The following PIEZO2 variants were observed in gnomAD, a reference collection of about 807,000 sequenced individuals.
PIEZO2 encodes the protein piezo-type mechanosensitive ion channel component 2.
PIEZO2 carries 172 observed loss-of-function variants against 337.3 expected under a neutral mutation model. The ratio of observed to expected loss-of-function variants is 0.51; its 90% confidence interval spans 0.45 to 0.58. The LOEUF is 0.58. Among genes scored for constraint, PIEZO2 ranks in the 20% least tolerant of loss-of-function variants. The probability of loss-of-function intolerance (pLI) is 0.00; values close to 1 mark genes in which losing one functional copy is unlikely to be tolerated. For missense variants in PIEZO2, 3,028 were observed against 3,391.3 expected (o/e 0.89, Z 2.66); for synonymous variants, 1,251 against 1,228.5 (o/e 1.02, Z -0.38).
chr18:10,770,465 A>G (rs919296742), intron 20 of PIEZO2, among the ~76,000 whole-genome samples, 157 bp from the exon 21 acceptor site: 2 of 152,252 alleles, frequency 1.3e-5, no homozygotes, highest in South Asian at 2.1e-4. Context: ...ATGATGTAAG[A>G]ATCCCAAGTC....
intron 7 of PIEZO2, among the ~76,000 whole-genome samples, chr18:10,838,821 T>C (rs761115902): frequency 9.2e-5 from 14 of 152,200 alleles, no homozygotes; most frequent in Non-Finnish European, 1.8e-4. Context: ...CAGCTGGTCT[T>C]CCACACTCCT....
rs1331015897 is a variant in PIEZO2 at position 11,070,099 on chromosome 18, T to C, written c.65-3877A>G. Among the ~76,000 whole-genome samples, 1 of 152,220 alleles carries C rather than the reference T, an allele frequency of 6.6e-6. No individual in the cohort carries two copies. The highest frequency in any genetic ancestry group is 2.4e-5 in the African/African-American group (1 of 41,458). ...TAGGTAGTTTTGTCCTTGTGGGAACTGTGTGCTTACATAAACAAAGATGGT... is the reference window on the plus strand; with the variant it reads ...TAGGTAGTTTTGTCCTTGTGGGAACCGTGTGCTTACATAAACAAAGATGGT... On this transcript the variant is annotated intron_variant, in intron 1 of 55. Coordinates refer to ENST00000674853, the MANE Select transcript of PIEZO2 (RefSeq NM_001378183.1). The surrounding 1 kb of genome is among the most constrained non-coding windows in gnomAD (Gnocchi z 4.3).
At chr18:11,098,334 G>A (rs998561847) in intron 1 of PIEZO2, among the ~76,000 whole-genome samples, 1 of 151,466 alleles carries the variant, frequency 6.6e-6, no homozygotes, top group African/African-American at 2.4e-5. Flanking sequence ...TATCTAGGTG[G>A]TAGAATTATG....
chr18:10,726,177 A>T lies in PIEZO2; in HGVS notation c.5029+5230T>A, dbSNP rs2144017230. Among the ~76,000 whole-genome samples the T allele has an allele frequency of 6.6e-6, 1 of 152,126 alleles. No individual in the cohort carries two copies. The highest frequency in any genetic ancestry group is 1.5e-5 in the Non-Finnish European group (1 of 67,982). On this transcript the variant is annotated intron_variant, in intron 36 of 55. Coordinates refer to ENST00000674853, the MANE Select transcript of PIEZO2 (RefSeq NM_001378183.1). This position sits in a 1 kb window ranked among gnomAD's most constrained non-coding sequence, Gnocchi z 5.9. ...TGGGAGAGGATTCATATATGTGAGC[A>T]ACTGTGGATCCTTGGGTGCGAGTCC... is the stretch of plus-strand genomic sequence containing the variant.
chr18:11,148,732 G>A lies in PIEZO2; in HGVS notation c.-144C>T, dbSNP rs1298051041. 4.8e-6 allele frequency: 4 copies of A among 825,290 alleles called. No individual in the cohort carries two copies. The highest frequency in any genetic ancestry group is 2.8e-5 in the East Asian group (1 of 35,196). 51.1% of individuals were successfully genotyped at this position (825,290 alleles called of 1,614,324 possible). On this transcript the variant is annotated 5_prime_UTR_variant, in exon 1 of 56. Transcript: ENST00000674853. The surrounding 1 kb of genome is among the most constrained non-coding windows in gnomAD (Gnocchi z 5.2). ...GCATCGCCTCGGCGCGGGCCGCGAC[G>A]CTCTCCGCCCCGAGGGCACGCTCCC... is the stretch of plus-strand genomic sequence containing the variant.
chr18:10,811,958 C>T (rs893583236), intron 7 of PIEZO2, among the ~76,000 whole-genome samples: 1 of 152,178 alleles, frequency 6.6e-6, no homozygotes, highest in Non-Finnish European at 1.5e-5. Context: ...CTCAGCCTCC[C>T]GAGTAGCTGA....
chr18:11,122,610 C>T (rs1030700672), intron 1 of PIEZO2, among the ~76,000 whole-genome samples: 2 of 152,110 alleles, frequency 1.3e-5, no homozygotes, highest in African/African-American at 4.8e-5. Flanking sequence ...TTTTCAAAAT[C>T]ATTATTCACA....
At chr18:10,694,698 G>A (rs1271708072) in intron 47 of PIEZO2, among the ~76,000 whole-genome samples, 3 of 152,108 alleles carry the variant, frequency 2.0e-5, no homozygotes, top group Non-Finnish European at 2.9e-5. Context: ...AGTCAGGAGC[G>A]GTGATGTGCA....
In PIEZO2 at chr18:10,724,957, C is replaced by A. The variant is rs977905429; in HGVS notation, c.5029+6450G>T. 1.9e-6 allele frequency: 3 copies of A among 1,586,134 alleles called. No individual in the cohort carries two copies. Among genetic ancestry groups the A allele is most frequent in the East Asian group, 2.2e-5 (1 of 44,728 alleles). Reference sequence around the variant, plus strand: ...ATGGAACCCAGGTGGGCGCACCCTGCGGCCTGCAGCCTCCCTGCCTCACAT... The same window carrying A: ...ATGGAACCCAGGTGGGCGCACCCTGAGGCCTGCAGCCTCCCTGCCTCACAT... On this transcript the variant is annotated intron_variant, in intron 36 of 55. Coordinates refer to ENST00000674853, the MANE Select transcript of PIEZO2 (RefSeq NM_001378183.1). The surrounding 1 kb of genome is among the most constrained non-coding windows in gnomAD (Gnocchi z 5.8).
rs1008546568 is a variant in PIEZO2 at position 10,759,985 on chromosome 18, T to C, written c.3451-76A>G. ...GGGGACTGGTGATAGGTGTCAGGTC[T>C]GTGTAGATGGCGGAGACCCATGTCC... On this transcript the variant is annotated intron_variant, in intron 24 of 55. Transcript: ENST00000674853. The surrounding 1 kb of genome is among the most constrained non-coding windows in gnomAD (Gnocchi z 5.5). The C allele has an allele frequency of 7.5e-7, 1 of 1,335,712 alleles. No individual in the cohort carries two copies. The highest frequency in any genetic ancestry group is 2.0e-5 in the Admixed American group (1 of 49,474). The allele number at this position is 1,335,712 out of a possible 1,614,324, so 82.7% of individuals were successfully genotyped here.
rs1171788428 is a variant in PIEZO2, at chr18:10,759,229, T to TTG, written c.3757+251_3757+252dup. Among the ~76,000 whole-genome samples, 2 of 141,696 alleles carry TTG rather than the reference T, an allele frequency of 1.4e-5. No homozygotes were observed. Among genetic ancestry groups the TTG allele is most frequent in the Non-Finnish European group, 3.2e-5 (2 of 61,916 alleles). The allele number at this position is 141,696 out of a possible 152,430, so 93.0% of individuals were successfully genotyped here. ...TGTGTGTGTGTGTGTGTGTGTGTGT[T>TTG]TGTGTGTGTGTGTTGGGGGAAGTGA... On this transcript the variant is annotated intron_variant, in intron 26 of 55. Transcript: ENST00000674853. The surrounding 1 kb of genome is among the most constrained non-coding windows in gnomAD (Gnocchi z 5.5).
At chr18:11,122,040 G>A (rs998519888) in intron 1 of PIEZO2, among the ~76,000 whole-genome samples, 3 of 151,902 alleles carry the variant, frequency 2.0e-5, no homozygotes, top group Non-Finnish European at 1.5e-5. Flanking sequence ...TGCAAGCTCC[G>A]CCTCCCAGGT....
At position 11,003,379 on chromosome 18, in the gene PIEZO2, T is replaced by G. The variant is rs2035614195; in HGVS notation, c.161-23719A>C. On this transcript the variant is annotated intron_variant, in intron 2 of 55. Coordinates refer to ENST00000674853, the MANE Select transcript of PIEZO2 (RefSeq NM_001378183.1). This position sits in a 1 kb window ranked among gnomAD's most constrained non-coding sequence, Gnocchi z 4.6. Reference sequence around the variant, plus strand: ...CAAAACGATGTATAGCAAAAACAATTAAACCATAGTCGAGTTGATCTAAAG... The same window carrying G: ...CAAAACGATGTATAGCAAAAACAATGAAACCATAGTCGAGTTGATCTAAAG... 6.6e-6 allele frequency among the ~76,000 whole-genome samples: 1 copy of G among 152,156 alleles called. No individual in the cohort carries two copies. Among genetic ancestry groups the G allele is most frequent in the Non-Finnish European group, 1.5e-5 (1 of 68,030 alleles).
Position 10,807,148 on chromosome 18 carries a change from C to T in PIEZO2, c.1044G>A (p.Leu348=). 1 of 1,537,112 alleles carries T rather than the reference C, an allele frequency of 6.5e-7. No individual in the cohort carries two copies. Among genetic ancestry groups the T allele is most frequent in the African/African-American group, 1.4e-5 (1 of 73,148 alleles). Residue 348 remains leucine (L), a synonymous_variant, in exon 8 of 56, where the codon CTG becomes CTA. Transcript: ENST00000674853. ...GCAGCCAGATGCGGATCAGAGTGGC[C>T]AGAGTGTAGTACATCACCAGCAGGA... ...PILLLVMYYT[L]ATLIRIWLQE...
Position 10,780,485 on chromosome 18 carries a change from T to C in PIEZO2, c.2493-119A>G. On this transcript the variant is annotated intron_variant, in intron 17 of 55. Transcript: ENST00000674853. Reference sequence around the variant, plus strand: ...CTCCCTTAAGCTTCCTAGCATCAAGTGTAGCCACCCTCACAGGCTTCATGC... The same window carrying C: ...CTCCCTTAAGCTTCCTAGCATCAAGCGTAGCCACCCTCACAGGCTTCATGC... 10 of 654,578 alleles carry C rather than the reference T, an allele frequency of 1.5e-5. No homozygotes were observed. In the South Asian group the frequency reaches 1.6e-4, roughly 11 times the overall value. The allele number at this position is 654,578 out of a possible 1,614,324, so 40.5% of individuals were successfully genotyped here.
At position 10,795,877 on chromosome 18, in the gene PIEZO2, T is replaced by A. The variant is rs558673754; in HGVS notation, c.1528-875A>T. Reference sequence around the variant, plus strand: ...GAATATTAGGTTTCTCAAAAATAAATCAAATTTCCTAAGAAAATTTGTTTT... The same window carrying A: ...GAATATTAGGTTTCTCAAAAATAAAACAAATTTCCTAAGAAAATTTGTTTT... On this transcript the variant is annotated intron_variant, in intron 12 of 55. Coordinates refer to ENST00000674853, the MANE Select transcript of PIEZO2 (RefSeq NM_001378183.1). This position sits in a 1 kb window ranked among gnomAD's most constrained non-coding sequence, Gnocchi z 4.4. Among the ~76,000 whole-genome samples, 3 of 152,278 alleles carry A rather than the reference T, an allele frequency of 2.0e-5. No individual in the cohort carries two copies. In the South Asian group the frequency reaches 6.2e-4, roughly 32 times the overall value.
chr18:10,708,885 C>T (rs772423118), intron 39 of PIEZO2, among the ~76,000 whole-genome samples: 2 of 152,112 alleles, frequency 1.3e-5, no homozygotes, highest in Non-Finnish European at 1.5e-5. Context: ...GTAGAATTTA[C>T]ATAAAATATT....
At chr18:10,704,300 AG>A in intron 42 of PIEZO2, 93 bp downstream of exon 42, 1 of 1,440,096 alleles carries the variant, frequency 6.9e-7, no homozygotes, top group Non-Finnish European at 9.2e-7. Context: ...GGATCAGGGC[AG>A]GCCCGTCTCA....
chr18:10,928,568 A>G lies in PIEZO2; in HGVS notation c.287-17340T>C, dbSNP rs139235496. Among the ~76,000 whole-genome samples, 581 of 152,342 alleles carry G rather than the reference A, an allele frequency of 3.8e-3. 4 individuals carry two copies. Among genetic ancestry groups the G allele is most frequent in the African/African-American group, 0.013 (549 of 41,568 alleles). ...AAATATTATAAATAAAATAAACACA[A>G]AAGTTTTGTTGTAAATGAATAAATG... On this transcript the variant is annotated intron_variant, in intron 3 of 55. Coordinates refer to ENST00000674853, the MANE Select transcript of PIEZO2 (RefSeq NM_001378183.1).
Sources: gnomAD v4.1 joint callset for allele counts (sites outside exome capture counted in the v4.1 genomes callset) on GRCh38, gnomAD v4.1.1 for gene constraint, Gnocchi (gnomAD v3.1) non-coding constraint, MANE v1.5 for transcripts, NCBI Gene and HGNC (gene_info 2026-07-23, HGNC 2026-07-21) for gene names.